Variants in ANK1 observed in about 807,000 individuals in gnomAD.
The protein encoded by ANK1 is ankyrin 1, also known as ankyrin-1.
Under a neutral mutation model 210.4 loss-of-function variants are expected in ANK1, and 51 were observed. The ratio of observed to expected loss-of-function variants is 0.24; its 90% confidence interval spans 0.19 to 0.31. ANK1 has a LOEUF of 0.31. ANK1 is among the 10% of genes least tolerant of loss of function. The probability of loss-of-function intolerance (pLI) is 1.00; values close to 1 mark genes in which losing one functional copy is unlikely to be tolerated. For synonymous variants in ANK1, 967 were observed against 1,025.9 expected (o/e 0.94, Z 1.10); for missense variants, 2,051 against 2,504.4 (o/e 0.82, Z 3.86).
At chr8:41,855,363 A>G (rs375139702) in intron 1 of ANK1, among the ~76,000 whole-genome samples, 9 of 152,370 alleles carry the variant, frequency 5.9e-5, no homozygotes, top group Middle Eastern at 3.4e-3. Flanking sequence ...TGCAAAGCCC[A>G]TAGGAGACCT....
At chr8:41,855,521 T>C (rs986043321) in intron 1 of ANK1, among the ~76,000 whole-genome samples, 2 of 152,222 alleles carry the variant, frequency 1.3e-5, no homozygotes, top group Admixed American at 1.3e-4. Context: ...AGCCGCTTTC[T>C]ATATAGAGGA....
At chr8:41,681,624 G>C (rs1031882784) in intron 37 of ANK1, among the ~76,000 whole-genome samples, 1 of 152,234 alleles carries the variant, frequency 6.6e-6, no homozygotes, top group African/African-American at 2.4e-5. Context: ...AAAGCACAGA[G>C]GAGCCAAGGT....
intron 1 of ANK1, among the ~76,000 whole-genome samples, chr8:41,863,227 C>T (rs1451192711): frequency 3.3e-5 from 5 of 151,284 alleles, no homozygotes; most frequent in African/African-American, 4.8e-5. Context: ...GGCGTTGTGG[C>T]GGGCGCCTGT....
At chr8:41,732,450 T>C (rs1832400129) in intron 3 of ANK1, among the ~76,000 whole-genome samples, 1 of 152,236 alleles carries the variant, frequency 6.6e-6, no homozygotes, top group Non-Finnish European at 1.5e-5. Context: ...TCTGTCTCTG[T>C]CACCCAGGCT....
At chr8:41,830,590 G>A (rs189638213) in intron 1 of ANK1, among the ~76,000 whole-genome samples, 1 of 152,244 alleles carries the variant, frequency 6.6e-6, no homozygotes, top group African/African-American at 2.4e-5. Context: ...GTCAGGAACT[G>A]CTCTCTTGAT....
intron 1 of ANK1, among the ~76,000 whole-genome samples, chr8:41,886,480 T>C (rs1293170955): frequency 6.6e-6 from 1 of 152,180 alleles, no homozygotes; most frequent in Non-Finnish European, 1.5e-5. Context: ...CATTACTGCT[T>C]CCTGACGCAT....
chr8:41,758,013 A>G (rs1436755183), intron 2 of ANK1, 23 bp downstream of exon 2: 4 of 1,596,220 alleles, frequency 2.5e-6, no homozygotes, highest in Middle Eastern at 3.3e-4. Flanking sequence ...CAGAGACAAC[A>G]GGCCTGCCTC....
At chr8:41,698,308 G>A (rs1392881726) in intron 23 of ANK1, among the ~76,000 whole-genome samples, 187 bp from the exon 24 acceptor site, 5 of 152,118 alleles carry the variant, frequency 3.3e-5, no homozygotes, top group African/African-American at 4.8e-5. Flanking sequence ...TGCACTTGTC[G>A]CCCCTTTCTC....
intron 2 of ANK1, among the ~76,000 whole-genome samples, chr8:41,746,094 A>G (rs1836039242): frequency 1.3e-5 from 2 of 152,204 alleles, no homozygotes; most frequent in African/African-American, 2.4e-5. Flanking sequence ...ACACACTAAG[A>G]GAACAGCCCT....
rs771584491 is a variant in ANK1 at position 41,704,083 on chromosome 8, A to G, written c.2253T>C (p.Thr751=). The part of the protein sequence containing the change: ...AAQQGHTDIV[T]LLLKNGASPN... ...GGGAAGCACCGTTTTTCAGAAGCAG[A>G]GTCACGATGTCTGTGTGTCCCTGCT... Residue 751 remains threonine, a synonymous_variant, in exon 20 of 43, where the codon ACT becomes ACC. Transcript: ENST00000289734. The surrounding 1 kb of genome is among the most constrained non-coding windows in gnomAD (Gnocchi z 4.1). 9.3e-6 allele frequency: 15 copies of G among 1,614,044 alleles called. No individual in the cohort carries two copies. Among genetic ancestry groups the G allele is most frequent in the African/African-American group, 1.3e-5 (1 of 74,924 alleles).
At chr8:41,814,634 T>G (rs1384365515) in intron 1 of ANK1, among the ~76,000 whole-genome samples, 5 of 152,100 alleles carry the variant, frequency 3.3e-5, no homozygotes, top group Admixed American at 6.5e-5. Flanking sequence ...ATAGCCATGG[T>G]TAAAGATCGG....
chr8:41,665,345 A>G, intron 39 of ANK1: 2 of 1,242,384 alleles, frequency 1.6e-6, no homozygotes, highest in Non-Finnish European at 2.1e-6. Context: ...CAACCGGGCT[A>G]GAAGGAAGCC....
chr8:41,832,504 C>T (rs1385276871), intron 1 of ANK1, among the ~76,000 whole-genome samples: 1 of 152,200 alleles, frequency 6.6e-6, no homozygotes, highest in South Asian at 2.1e-4. Context: ...ACCAGTGAAG[C>T]AGAAGCCACT....
intron 1 of ANK1, among the ~76,000 whole-genome samples, chr8:41,852,438 C>T (rs1811430625): frequency 6.6e-6 from 1 of 152,192 alleles, no homozygotes; most frequent in Non-Finnish European, 1.5e-5. Context: ...ATGACCCGGG[C>T]ACCTCCTACG....
At chr8:41,741,420 G>T (rs1834767363) in intron 2 of ANK1, among the ~76,000 whole-genome samples, 1 of 152,030 alleles carries the variant, frequency 6.6e-6, no homozygotes, top group Admixed American at 6.6e-5. Context: ...TGGCCTTCAA[G>T]AACTTTTAAG....
In ANK1 at chr8:41,704,395, T is replaced by C. The variant is rs533747046; in HGVS notation, c.2175A>G (p.Ala725=). Residue 725 remains alanine, a synonymous_variant, in exon 19 of 43, where the codon GCA becomes GCG. Transcript: ENST00000289734. The surrounding 1 kb of genome is among the most constrained non-coding windows in gnomAD (Gnocchi z 4.1). ...GTACCTTGGTCTTGGCATTGACATC[T>C]GCCTGGTGCTGCAGCAGAAACTTCA... ...KLVKFLLQHQ[A]DVNAKTKLGY... is the part of the protein sequence containing the mutation. The C allele has an allele frequency of 3.1e-6, 5 of 1,614,212 alleles. No individual in the cohort carries two copies. The African/African-American group carries it at 6.7e-5, about 22-fold the overall frequency.
chr8:41,870,368 T>C (rs1815241009), intron 1 of ANK1, among the ~76,000 whole-genome samples: 1 of 152,184 alleles, frequency 6.6e-6, no homozygotes, highest in East Asian at 1.9e-4. Flanking sequence ...TTCTCCATCA[T>C]TCACTCGTGT....
chr8:41,684,744 C>T (rs1246198602), intron 36 of ANK1, 54 bp from the exon 37 acceptor site: 10 of 1,584,076 alleles, frequency 6.3e-6, no homozygotes, highest in Non-Finnish European at 8.6e-6. Context: ...GCGAGGATCA[C>T]ATGGGCTCAG....
chr8:41,790,424 G>A (rs1847407907), intron 1 of ANK1, among the ~76,000 whole-genome samples: 1 of 152,184 alleles, frequency 6.6e-6, no homozygotes, highest in South Asian at 2.1e-4. Context: ...TGGGATTACA[G>A]GCATCAGCCA....
Sources: gnomAD v4.1 joint callset for allele counts (sites outside exome capture counted in the v4.1 genomes callset) on GRCh38, gnomAD v4.1.1 for gene constraint, Gnocchi (gnomAD v3.1) non-coding constraint, MANE v1.5 for transcripts, NCBI Gene and HGNC (gene_info 2026-07-23, HGNC 2026-07-21) for gene names.